Variants in USP32 observed in about 807,000 individuals in gnomAD.
USP32 encodes ubiquitin specific peptidase 32, also known as ubiquitin carboxyl-terminal hydrolase 32.
A neutral mutation model predicts 204.8 loss-of-function variants in USP32; 59 were observed. That is an observed-to-expected ratio of 0.29 (90% confidence interval 0.23 to 0.36). USP32 has a LOEUF of 0.36. Ranked by LOEUF, USP32 falls within the 10% of genes least tolerant of loss-of-function variation. The pLI is 1.00. For synonymous variants in USP32, 517 were observed against 678.4 expected, an observed-to-expected ratio of 0.76 and a Z score of 3.70; for missense variants, 1,160 against 1,946.4, an observed-to-expected ratio of 0.60 and a Z score of 7.60.
chr17:60,266,225 G>A, intron 7 of USP32, 134 bp from the exon 8 acceptor site: 1 of 612,222 alleles, frequency 1.6e-6, no homozygotes. Flanking sequence ...GTTCTCATCT[G>A]TAATAAACTA....
In USP32 at chr17:60,230,335, C is replaced by T. The variant is rs558408974; in HGVS notation, c.1240-4104G>A. Among the ~76,000 whole-genome samples the T allele has an allele frequency of 5.9e-5, 9 of 152,238 alleles. No homozygotes were observed. In the South Asian group the frequency reaches 1.9e-3, roughly 32 times the overall value. The stretch of plus-strand genomic sequence containing the variant: ...AAATGAAACCATTCCTGTAATAATG[C>T]TTCTCATTCTGAAGAGCTCAGTCCA... On this transcript the variant is annotated intron_variant, in intron 12 of 33. Coordinates refer to ENST00000300896, the MANE Select transcript of USP32 (RefSeq NM_032582.4).
In USP32 at chr17:60,198,454, C is replaced by T. The variant is rs1385957662; in HGVS notation, c.3250-10G>A. The T allele has an allele frequency of 3.7e-6, 6 of 1,613,124 alleles. No homozygotes were observed. The Admixed American group carries it at 8.4e-5, about 22-fold the overall frequency. On this transcript the variant is annotated splice_polypyrimidine_tract_variant and intron_variant, in intron 26 of 33. Transcript: ENST00000300896. Reference sequence around the variant, plus strand: ...ACAGTTCTGTCCTCATCTGTATGTACAAACAAGAGAATAGAGAGTTCAGAA... The same window carrying T: ...ACAGTTCTGTCCTCATCTGTATGTATAAACAAGAGAATAGAGAGTTCAGAA...
chr17:60,218,639 C>A (rs8069574), intron 16 of USP32, among the ~76,000 whole-genome samples: 1 of 151,746 alleles, frequency 6.6e-6, no homozygotes, highest in Admixed American at 6.6e-5. Flanking sequence ...AGTCTCACTC[C>A]GTCACCCAGG....
At chr17:60,407,637 C>T (rs1180209977) in intron 1 of USP32, among the ~76,000 whole-genome samples, 1 of 152,024 alleles carries the variant, frequency 6.6e-6, no homozygotes, top group Non-Finnish European at 1.5e-5. Flanking sequence ...TCCACATTAG[C>T]CAGGTGTGGT....
intron 2 of USP32, among the ~76,000 whole-genome samples, chr17:60,323,574 T>G (rs1001861645): frequency 6.6e-6 from 1 of 152,218 alleles, no homozygotes. Flanking sequence ...AGCCACTGAA[T>G]TGTATACTTT....
intron 26 of USP32, 74 bp from the exon 27 acceptor site, chr17:60,198,518 C>A (rs996642145): frequency 6.5e-7 from 1 of 1,545,738 alleles, no homozygotes; most frequent in Non-Finnish European, 8.8e-7. Context: ...CTTCTAAATG[C>A]CTGCCAATGA....
intron 9 of USP32, 25 bp from the exon 10 acceptor site, chr17:60,255,283 G>C (rs201754306): frequency 2.0e-6 from 3 of 1,479,164 alleles, no homozygotes; most frequent in Admixed American, 4.1e-5. Flanking sequence ...CTCATGTTAG[G>C]AACATCTTTT....
chr17:60,396,783 G>A (rs577344007), upstream of USP32, among the ~76,000 whole-genome samples: 1 of 152,214 alleles, frequency 6.6e-6, no homozygotes, highest in African/African-American at 2.4e-5. Context: ...TTCTCTTTTT[G>A]TTTTACTACA....
chr17:60,366,719 A>G (rs1363690924), intron 1 of USP32, among the ~76,000 whole-genome samples: 1 of 151,844 alleles, frequency 6.6e-6, no homozygotes, highest in Non-Finnish European at 1.5e-5. Flanking sequence ...TGGGAAACAC[A>G]GCAAGACATC....
At chr17:60,294,188 G>A (rs751499252) in intron 4 of USP32, among the ~76,000 whole-genome samples, 1 of 152,134 alleles carries the variant, frequency 6.6e-6, no homozygotes, top group Admixed American at 6.6e-5. Flanking sequence ...TTACAGGTGT[G>A]AGCCACCTTG....
At chr17:60,403,104 C>T (rs188141033) in intron 1 of USP32, among the ~76,000 whole-genome samples, 2 of 152,096 alleles carry the variant, frequency 1.3e-5, no homozygotes, top group African/African-American at 2.4e-5. Context: ...CTCCACCTCC[C>T]GGGTTTAAAT....
intron 1 of USP32, among the ~76,000 whole-genome samples, chr17:60,351,188 T>C (rs2088938352): frequency 6.6e-6 from 1 of 150,838 alleles, no homozygotes; most frequent in South Asian, 2.1e-4. Context: ...CTATGAGGAG[T>C]AGTTAGACTC....
intron 30 of USP32, among the ~76,000 whole-genome samples, chr17:60,184,678 T>C (rs1248296979): frequency 6.6e-6 from 1 of 151,790 alleles, no homozygotes; most frequent in African/African-American, 2.4e-5. Flanking sequence ...GTGGTAGTGG[T>C]GCATGCCTGT....
At chr17:60,417,843 G>T (rs2143118847) in intron 1 of USP32, among the ~76,000 whole-genome samples, 1 of 151,898 alleles carries the variant, frequency 6.6e-6, no homozygotes, top group Admixed American at 6.6e-5. Flanking sequence ...AGGCTGGAGG[G>T]CAGTGGCACA....
At chr17:60,365,961 C>T (rs1598289977) in intron 1 of USP32, among the ~76,000 whole-genome samples, 1 of 152,062 alleles carries the variant, frequency 6.6e-6, no homozygotes, top group African/African-American at 2.4e-5. Context: ...GAGAGGGTCT[C>T]GCTCCCTTTT....
intron 9 of USP32, among the ~76,000 whole-genome samples, chr17:60,258,595 T>G (rs759589184): frequency 8.5e-5 from 13 of 152,232 alleles, no homozygotes; most frequent in Non-Finnish European, 1.6e-4. Context: ...TGTTGTATAC[T>G]TAGAAAGTAA....
intron 1 of USP32, among the ~76,000 whole-genome samples, chr17:60,381,010 T>C (rs1186638854): frequency 6.6e-6 from 1 of 152,210 alleles, no homozygotes; most frequent in Non-Finnish European, 1.5e-5. Flanking sequence ...ATTTGAATAT[T>C]TGCATAAATG....
intron 1 of USP32, among the ~76,000 whole-genome samples, chr17:60,372,315 G>A (rs1243017744): frequency 1.3e-5 from 2 of 152,184 alleles, no homozygotes; most frequent in Admixed American, 6.5e-5. Context: ...TGACAGGAAT[G>A]CATCGTTAGG....
chr17:60,268,261 A>G (rs934964473), intron 7 of USP32, among the ~76,000 whole-genome samples: 5 of 152,164 alleles, frequency 3.3e-5, no homozygotes, highest in African/African-American at 1.2e-4. Flanking sequence ...TTTTTAAGAC[A>G]ACAATTAACT....
Sources: allele counts gnomAD v4.1 joint callset (sites outside exome capture counted in the v4.1 genomes callset), GRCh38; gene constraint gnomAD v4.1.1; transcripts MANE v1.5; gene names NCBI Gene and HGNC (gene_info 2026-07-23, HGNC 2026-07-21).